The following NPHS2 variants were observed in gnomAD, a reference collection of about 807,000 sequenced individuals.
The protein encoded by NPHS2 is podocin.
In NPHS2, 36 loss-of-function variants were observed where a neutral mutation model predicts 37.1. The ratio of observed to expected loss-of-function variants is 0.97; its 90% confidence interval spans 0.74 to 1.28. The LOEUF (loss-of-function observed/expected upper bound fraction) is 1.28. Among genes scored for constraint, NPHS2 ranks in the 50% most tolerant of loss-of-function variants. The pLI, the probability that NPHS2 is intolerant of heterozygous loss-of-function variation, is 0.00. For missense variants in NPHS2, 447 were observed against 488.1 expected (o/e 0.92, Z 0.79); for synonymous variants, 196 against 189.3 (o/e 1.04, Z -0.29).
intron 1 of NPHS2, among the ~76,000 whole-genome samples, chr1:179,569,131 G>C (rs1164796841): frequency 6.6e-6 from 1 of 152,132 alleles, no homozygotes; most frequent in African/African-American, 2.4e-5. Context: ...TCATTGATCT[G>C]TCTAATGCTG....
intron 1 of NPHS2, among the ~76,000 whole-genome samples, chr1:179,568,149 T>A (rs112439687): frequency 6.6e-6 from 1 of 152,110 alleles, no homozygotes; most frequent in African/African-American, 2.4e-5. Context: ...TCTTTGTACC[T>A]CTGGTAGGAT....
intron 1 of NPHS2, among the ~76,000 whole-genome samples, chr1:179,566,431 T>C (rs1674338041): frequency 6.6e-6 from 1 of 152,240 alleles, no homozygotes; most frequent in Non-Finnish European, 1.5e-5. Flanking sequence ...TTCTTGTAAA[T>C]TTGTTTGAGT....
At chr1:179,570,504 G>T (rs1261374439) in intron 1 of NPHS2, among the ~76,000 whole-genome samples, 1 of 152,228 alleles carries the variant, frequency 6.6e-6, no homozygotes, top group African/African-American at 2.4e-5. Context: ...ATTGTTTGTG[G>T]CTTAAGAATG....
intron 4 of NPHS2, among the ~76,000 whole-genome samples, chr1:179,559,161 C>G (rs1674044217): frequency 6.6e-6 from 1 of 152,150 alleles, no homozygotes; most frequent in Non-Finnish European, 1.5e-5. Flanking sequence ...CCTTCCTCCT[C>G]AAAGGGAGGT....
chr1:179,553,944 G>A (rs1284217548), intron 6 of NPHS2, among the ~76,000 whole-genome samples: 4 of 135,042 alleles, frequency 3.0e-5, no homozygotes, highest in Admixed American at 1.6e-4. Context: ...ATCGAGTCTC[G>A]CTCTGTGGTC....
chr1:179,566,505 T>C, intron 1 of NPHS2, among the ~76,000 whole-genome samples: 1 of 152,254 alleles, frequency 6.6e-6, no homozygotes, highest in East Asian at 1.9e-4. Flanking sequence ...CTTCTCCCAT[T>C]CTGTAGGTTG....
At position 179,556,136 on chromosome 1, in the gene NPHS2, G is replaced by A. The variant is rs1399920356; in HGVS notation, c.738+891C>T. Among the ~76,000 whole-genome samples, 2 of 152,204 alleles carry A rather than the reference G, an allele frequency of 1.3e-5. No individual in the cohort carries two copies. Among genetic ancestry groups the A allele is most frequent in the Non-Finnish European group, 2.9e-5 (2 of 68,024 alleles). On this transcript the variant is annotated intron_variant, in intron 5 of 7. Transcript: ENST00000367615. The surrounding 1 kb of genome is among the most constrained non-coding windows in gnomAD (Gnocchi z 4.1). ...AGTGTCTGGACTTTATCCTTTAAAGGAGAAGGATGAATAAGGAAAGGAGGG... is the reference window on the plus strand; with the variant it reads ...AGTGTCTGGACTTTATCCTTTAAAGAAGAAGGATGAATAAGGAAAGGAGGG...
At position 179,551,435 on chromosome 1, in the gene NPHS2, G is replaced by C. The variant is rs199506378; in HGVS notation, c.890C>G (p.Ala297Gly). The C allele has an allele frequency of 3.7e-6, 6 of 1,613,438 alleles. No homozygotes were observed. The highest frequency in any genetic ancestry group is 5.1e-6 in the Non-Finnish European group (6 of 1,180,008). Residue 297 changes from alanine (A) to glycine (G), a missense_variant, in exon 8 of 8, where the codon GCG becomes GGG. Coordinates refer to ENST00000367615, the MANE Select transcript of NPHS2 (RefSeq NM_014625.4). ...QAKVRMIAAE[A>G]EKAASESLRM... is the part of the protein sequence containing the mutation. ...CAGGGACTCAGAAGCAGCCTTTTCC[G>C]CTTCTGCAGCAATCATCTAGAAAAC...
chr1:179,555,390 C>G (rs945991513), intron 5 of NPHS2, among the ~76,000 whole-genome samples: 3 of 152,190 alleles, frequency 2.0e-5, no homozygotes, highest in Admixed American at 1.3e-4. Context: ...CCATCCACCC[C>G]CTTGATTGAA....
At chr1:179,564,824 T>C (rs1404882853) in intron 1 of NPHS2, 31 bp from the exon 2 acceptor site, 1 of 1,544,128 alleles carries the variant, frequency 6.5e-7, no homozygotes, top group African/African-American at 1.4e-5. Context: ...AGAATAATTA[T>C]ATTGAAACTT....
At chr1:179,560,836 A>G (rs1396634390) in intron 3 of NPHS2, among the ~76,000 whole-genome samples, 1 of 152,196 alleles carries the variant, frequency 6.6e-6, no homozygotes, top group Non-Finnish European at 1.5e-5. Flanking sequence ...CTGAGCCACA[A>G]GAAATGCTTA....
chr1:179,557,546 G>C (rs1036847441), intron 4 of NPHS2, among the ~76,000 whole-genome samples: 2 of 152,164 alleles, frequency 1.3e-5, no homozygotes, highest in African/African-American at 4.8e-5. Flanking sequence ...TGCTAAAAGA[G>C]AAGCATGTTC....
intron 1 of NPHS2, among the ~76,000 whole-genome samples, chr1:179,567,336 T>C (rs548355909): frequency 1.3e-5 from 2 of 152,308 alleles, no homozygotes; most frequent in Admixed American, 1.3e-4. Flanking sequence ...CAATTGTGAA[T>C]GGGAGTTCAC....
intron 7 of NPHS2, chr1:179,552,111 TG>T: frequency 5.8e-6 from 1 of 173,358 alleles, no homozygotes; most frequent in Non-Finnish European, 1.2e-5. Context: ...AGCTGCTAGC[TG>T]CCACATCTTT....
chr1:179,564,420 T>C (rs1319082718), intron 2 of NPHS2, among the ~76,000 whole-genome samples: 1 of 152,166 alleles, frequency 6.6e-6, no homozygotes, highest in Non-Finnish European at 1.5e-5. Flanking sequence ...ATAGCCAATA[T>C]AATACACATG....
At chr1:179,551,780 C>T (rs996081469) in intron 7 of NPHS2, 13 of 325,580 alleles carry the variant, frequency 4.0e-5, no homozygotes, top group Non-Finnish European at 6.9e-5. Context: ...AAAGGCATGA[C>T]GTTATGAAAG....
At chr1:179,551,621 G>A in intron 7 of NPHS2, 170 bp from the exon 8 acceptor site, 1 of 703,508 alleles carries the variant, frequency 1.4e-6, no homozygotes, top group South Asian at 1.8e-5. Context: ...TGGGGAGACA[G>A]ATTAAACTGT....
At chr1:179,551,980 T>C (rs1264046358) in intron 7 of NPHS2, 2 of 170,466 alleles carry the variant, frequency 1.2e-5, no homozygotes, top group African/African-American at 4.8e-5. Flanking sequence ...CAGGCAATGA[T>C]CCTCTTACTG....
chr1:179,569,700 T>C (rs961715344), intron 1 of NPHS2, among the ~76,000 whole-genome samples: 3 of 152,220 alleles, frequency 2.0e-5, no homozygotes, highest in Non-Finnish European at 2.9e-5. Context: ...TTTCCATGTT[T>C]AGTGCTTCCT....
Sources: gnomAD v4.1 joint callset for allele counts (sites outside exome capture counted in the v4.1 genomes callset) on GRCh38, gnomAD v4.1.1 for gene constraint, Gnocchi (gnomAD v3.1) non-coding constraint, MANE v1.5 for transcripts, NCBI Gene and HGNC (gene_info 2026-07-23, HGNC 2026-07-21) for gene names.